The following TENM3 variants were observed in gnomAD, a reference collection of about 807,000 sequenced individuals.
TENM3 encodes the protein teneurin-3.
A neutral mutation model predicts 255.1 loss-of-function variants in TENM3; 63 were observed. That is an observed-to-expected ratio of 0.25 (90% CI 0.20 to 0.30). The LOEUF is 0.30. Among genes scored for constraint, TENM3 ranks in the 10% least tolerant of loss-of-function variants. The pLI is 1.00. For synonymous variants in TENM3, 1,306 were observed against 1,322.3 expected, an observed-to-expected ratio of 0.99 and a Z score of 0.27; for missense variants, 2,929 against 3,461.1, an observed-to-expected ratio of 0.85 and a Z score of 3.86.
At chr4:181,458,785 T>C in the TENM3 span, among the ~76,000 whole-genome samples, 1 of 152,010 alleles carries the variant, frequency 6.6e-6, no homozygotes, top group Non-Finnish European at 1.5e-5. Flanking sequence ...ATGTGTTGTA[T>C]TTATTCATGC....
chr4:181,627,613 G>C, the TENM3 span, among the ~76,000 whole-genome samples: 1 of 152,050 alleles, frequency 6.6e-6, no homozygotes, highest in Non-Finnish European at 1.5e-5. Context: ...GCAATAGTTT[G>C]CTGAGAATGA....
chr4:182,578,815 T>C (rs1745199444), intron 3 of TENM3, among the ~76,000 whole-genome samples: 1 of 152,214 alleles, frequency 6.6e-6, no homozygotes, highest in Non-Finnish European at 1.5e-5. Context: ...TATCCAGAAC[T>C]CTCTCTTAAG....
chr4:181,608,953 G>C, the TENM3 span, among the ~76,000 whole-genome samples: 1 of 152,168 alleles, frequency 6.6e-6, no homozygotes, highest in African/African-American at 2.4e-5. Flanking sequence ...GGTTTCCAAA[G>C]ACGAAAATCA....
At position 182,730,252 on chromosome 4, in the gene TENM3, A is replaced by G; in HGVS notation, c.2638A>G (p.Ile880Val). Residue 880 changes from isoleucine (I) to valine (V), a missense_variant, in exon 15 of 28, where the codon ATT becomes GTT. Around this residue, in one of 6 missense-constraint regions of TENM3, gnomAD observed 1,608 missense variants for 1,884.4 expected, o/e 0.85. Transcript: ENST00000511685. ...ACTGACTGCTGATGGAACTCCACTT[A>G]TTGGAGTAAATGTCTCGTTTTTCCA... Reference protein sequence around the residue: ...QVLTADGTPLIGVNVSFFHYP... With the variant: ...QVLTADGTPLVGVNVSFFHYP... The G allele has an allele frequency of 6.2e-7, 1 of 1,613,902 alleles. No homozygotes were observed. Among genetic ancestry groups the G allele is most frequent in the Non-Finnish European group, 8.5e-7 (1 of 1,179,822 alleles).
chr4:182,488,593 A>T (rs1016625974), intron 3 of TENM3, among the ~76,000 whole-genome samples: 4 of 152,170 alleles, frequency 2.6e-5, no homozygotes, highest in Non-Finnish European at 5.9e-5. Flanking sequence ...TCAAGCCAAG[A>T]AAACAAAGGA....
upstream of TENM3, chr4:182,141,581 T>G (rs1749432823): frequency 6.6e-6 from 1 of 152,214 alleles, no homozygotes; most frequent in African/African-American, 2.4e-5. Flanking sequence ...CTGCGCGCTT[T>G]GTCCACCAGC....
the TENM3 span, among the ~76,000 whole-genome samples, chr4:182,090,431 A>G: frequency 1.7e-4 from 26 of 152,268 alleles, no homozygotes; most frequent in African/African-American, 6.0e-4. Context: ...AGCCCCTCCA[A>G]CTGAATAAAG....
chr4:182,325,391 G>C (rs1763325670), intron 2 of TENM3, among the ~76,000 whole-genome samples: 2 of 152,148 alleles, frequency 1.3e-5, no homozygotes, highest in Non-Finnish European at 2.9e-5. Context: ...TTACATCAAA[G>C]AAAACTCATT....
the TENM3 span, among the ~76,000 whole-genome samples, chr4:181,767,278 A>G: frequency 1.3e-5 from 2 of 151,054 alleles, no homozygotes; most frequent in Non-Finnish European, 3.0e-5. Context: ...AAAAGAAAGA[A>G]AACAAAATCA....
chr4:182,013,932 CTG>C, the TENM3 span, among the ~76,000 whole-genome samples: 1 of 137,362 alleles, frequency 7.3e-6, no homozygotes, highest in Non-Finnish European at 1.6e-5. Flanking sequence ...ATACATATAT[CTG>C]TGTGTGTATA....
chr4:181,854,450 A>C, the TENM3 span, among the ~76,000 whole-genome samples: 1 of 152,200 alleles, frequency 6.6e-6, no homozygotes, highest in Non-Finnish European at 1.5e-5. Context: ...AAATGTGCCA[A>C]ACTACGGTAT....
chr4:181,886,321 G>A, the TENM3 span, among the ~76,000 whole-genome samples: 4 of 152,098 alleles, frequency 2.6e-5, no homozygotes, highest in Admixed American at 6.6e-5. Context: ...CGAAAGTGCT[G>A]GGATTACAGG....
the TENM3 span, among the ~76,000 whole-genome samples, chr4:181,614,752 ATC>A: frequency 4.6e-5 from 7 of 152,208 alleles, no homozygotes; most frequent in East Asian, 3.9e-4. Flanking sequence ...TGCGAAAACT[ATC>A]TACCAGCTTT....
At chr4:182,239,068 T>C (rs1757077684), upstream of TENM3, among the ~76,000 whole-genome samples, 1 of 148,360 alleles carries the variant, frequency 6.7e-6, no homozygotes, top group South Asian at 2.1e-4. Context: ...TGTGTGTGTG[T>C]GTGTGTATTT....
In TENM3 at chr4:182,315,840, C is replaced by A. The variant is rs188487284; in HGVS notation, c.-75-8106C>A. Among the ~76,000 whole-genome samples the A allele has an allele frequency of 1.7e-3, 254 of 152,122 alleles. 1 individual carries two copies. Among genetic ancestry groups the A allele is most frequent in the Non-Finnish European group, 2.3e-3 (158 of 67,988 alleles). On this transcript the variant is annotated intron_variant, in intron 1 of 27. Coordinates refer to ENST00000511685, the MANE Select transcript of TENM3 (RefSeq NM_001080477.4). Reference sequence around the variant, plus strand: ...GTAGTTTCTATTACCATTTTGAGTTCTCTGCTCTTTTCTTCTGCAGTGTCT... The same window carrying A: ...GTAGTTTCTATTACCATTTTGAGTTATCTGCTCTTTTCTTCTGCAGTGTCT...
At chr4:182,044,835 A>T in the TENM3 span, among the ~76,000 whole-genome samples, 3 of 152,224 alleles carry the variant, frequency 2.0e-5, no homozygotes, top group South Asian at 2.1e-4. Context: ...CAGAGGGCCC[A>T]CATGATACTC....
chr4:182,722,360 A>G lies in TENM3; in HGVS notation c.2369-6605A>G, dbSNP rs1303133605. Among the ~76,000 whole-genome samples the G allele has an allele frequency of 5.3e-5, 8 of 152,194 alleles. No individual in the cohort carries two copies. The South Asian group carries it at 6.2e-4, about 12-fold the overall frequency. On this transcript the variant is annotated intron_variant, in intron 13 of 27. Coordinates refer to ENST00000511685, the MANE Select transcript of TENM3 (RefSeq NM_001080477.4). Reference sequence around the variant, plus strand: ...CCTTTTCAACTGTTTAGAACTCACAATCTTTAGGAACTTAATTCATTTTTT... The same window carrying G: ...CCTTTTCAACTGTTTAGAACTCACAGTCTTTAGGAACTTAATTCATTTTTT...
the TENM3 span, among the ~76,000 whole-genome samples, chr4:181,987,483 C>T: frequency 2.6e-5 from 4 of 152,074 alleles, no homozygotes; most frequent in Non-Finnish European, 4.4e-5. Flanking sequence ...GATGACAATC[C>T]TTTTACACAG....
At chr4:182,675,855 G>T (rs1182245856) in intron 7 of TENM3, among the ~76,000 whole-genome samples, 1 of 152,208 alleles carries the variant, frequency 6.6e-6, no homozygotes, top group Non-Finnish European at 1.5e-5. Flanking sequence ...TTAGAGAAAT[G>T]AAAGGTGCAG....
Sources: gnomAD v4.1 joint callset for allele counts (sites outside exome capture counted in the v4.1 genomes callset) on GRCh38, gnomAD v4.1.1 for gene constraint, gnomAD v4.1.1 regional missense constraint, MANE v1.5 for transcripts, NCBI Gene and HGNC (gene_info 2026-07-23, HGNC 2026-07-21) for gene names.